Variants in CTIF observed in about 807,000 individuals in gnomAD.
The protein encoded by CTIF is CBP80/20-dependent translation initiation factor.
CTIF carries 21 observed loss-of-function variants against 66.0 expected under a neutral mutation model. The observed-to-expected ratio is 0.32, with a 90% CI of 0.23 to 0.46. The LOEUF (loss-of-function observed/expected upper bound fraction) is 0.46. CTIF is among the 20% of genes least tolerant of loss of function. CTIF has a pLI of 1.00. For synonymous variants in CTIF, 345 were observed against 326.4 expected (o/e 1.06, Z -0.62); for missense variants, 739 against 812.7 (o/e 0.91, Z 1.10).
intron 3 of CTIF, among the ~76,000 whole-genome samples, chr18:48,650,038 G>C (rs1051027468): frequency 6.6e-6 from 1 of 152,238 alleles, no homozygotes; most frequent in African/African-American, 2.4e-5. Flanking sequence ...GAGCAGAAAA[G>C]CTGAAAATTC....
intron 1 of CTIF, among the ~76,000 whole-genome samples, chr18:48,546,693 TCTC>T (rs1452610224): frequency 3.3e-5 from 5 of 151,646 alleles, no homozygotes; most frequent in Non-Finnish European, 5.9e-5. Context: ...CGTGACTGCA[TCTC>T]CTCCGAGACT....
intron 1 of CTIF, among the ~76,000 whole-genome samples, chr18:48,598,894 G>A (rs2090036994): frequency 6.6e-6 from 1 of 152,126 alleles, no homozygotes; most frequent in Non-Finnish European, 1.5e-5. Flanking sequence ...CTGGAGAAAG[G>A]GCAGGGGACA....
In CTIF at chr18:48,848,102, C is replaced by T. The variant is rs569455712; in HGVS notation, c.1528-9486C>T. 5.9e-5 allele frequency among the ~76,000 whole-genome samples: 9 copies of T among 152,326 alleles called. No individual in the cohort carries two copies. The South Asian group carries it at 1.7e-3, about 28-fold the overall frequency. On this transcript the variant is annotated intron_variant, in intron 10 of 11. Coordinates refer to ENST00000256413, the MANE Select transcript of CTIF (RefSeq NM_014772.3). ...GCAGGTGTGGTTCTTCTGACTCTGC[C>T]TCATTCTTCCCCCTGTCCCCTTTGT...
At chr18:48,645,102 A>G (rs1043196451) in intron 3 of CTIF, among the ~76,000 whole-genome samples, 1 of 152,134 alleles carries the variant, frequency 6.6e-6, no homozygotes, top group Non-Finnish European at 1.5e-5. Flanking sequence ...GCTAAATACA[A>G]CTAAAAACCC....
chr18:48,627,781 TGGGGAGGAAGGA>T (rs2090629630), intron 2 of CTIF, among the ~76,000 whole-genome samples: 1 of 13,968 alleles, frequency 7.2e-5, no homozygotes, highest in South Asian at 2.7e-3. Flanking sequence ...GGGGGGAGGG[TGGGGAGGAAGGA>T]AGGGAGGGAG....
chr18:48,554,668 C>T (rs2088973083), intron 1 of CTIF, among the ~76,000 whole-genome samples: 1 of 152,254 alleles, frequency 6.6e-6, no homozygotes, highest in East Asian at 1.9e-4. Context: ...AAAGAATCTT[C>T]CAGGTTTCCT....
At chr18:48,775,545 C>T (rs1910591961) in intron 9 of CTIF, among the ~76,000 whole-genome samples, 1 of 152,246 alleles carries the variant, frequency 6.6e-6, no homozygotes, top group East Asian at 1.9e-4. Flanking sequence ...CCAAGGGGCC[C>T]TGGGACTGGC....
At chr18:48,647,140 G>A (rs917459971) in intron 3 of CTIF, among the ~76,000 whole-genome samples, 1 of 152,228 alleles carries the variant, frequency 6.6e-6, no homozygotes, top group African/African-American at 2.4e-5. Flanking sequence ...GCCTGATGAT[G>A]CAGCAGCCTG....
At chr18:48,685,403 G>C (rs1568134215) in intron 6 of CTIF, among the ~76,000 whole-genome samples, 1 of 150,684 alleles carries the variant, frequency 6.6e-6, no homozygotes, top group African/African-American at 2.4e-5. Flanking sequence ...TTCTATTTTT[G>C]GTAGAGACGG....
At chr18:48,696,841 G>T (rs1037736852) in intron 6 of CTIF, among the ~76,000 whole-genome samples, 1 of 152,238 alleles carries the variant, frequency 6.6e-6, no homozygotes, top group Non-Finnish European at 1.5e-5. Flanking sequence ...CAGGGGGCCT[G>T]TGGAGCTAAG....
intron 5 of CTIF, 183 bp from the exon 6 acceptor site, chr18:48,670,485 AC>A (rs3830253): frequency 0.85 from 442,015 of 517,550 alleles, 186,307 homozygotes; most frequent in East Asian, 0.91. Flanking sequence ...TTACGGGAGG[AC>A]CCCCCCCCCA....
At chr18:48,618,127 A>G (rs1454293180) in intron 1 of CTIF, among the ~76,000 whole-genome samples, 1 of 152,184 alleles carries the variant, frequency 6.6e-6, no homozygotes, top group Non-Finnish European at 1.5e-5. Flanking sequence ...CCAGCACACC[A>G]TTCCTTGCCC....
chr18:48,593,748 G>GT (rs35415961), intron 1 of CTIF, among the ~76,000 whole-genome samples: 50,427 of 145,604 alleles, frequency 0.35, 8,861 homozygotes, highest in African/African-American at 0.44. Flanking sequence ...TTTTTTGTTT[G>GT]TTTTTTTTTT....
At position 48,555,235 on chromosome 18, in the gene CTIF, TCTTCATGGGCAG is replaced by T. The variant is rs2088989812; in HGVS notation, c.-29+15928_-29+15939del. 3.3e-5 allele frequency among the ~76,000 whole-genome samples: 5 copies of T among 152,328 alleles called. No individual in the cohort carries two copies. The South Asian group carries it at 1.0e-3, about 32-fold the overall frequency. On this transcript the variant is annotated intron_variant, in intron 1 of 11. Coordinates refer to ENST00000256413, the MANE Select transcript of CTIF (RefSeq NM_014772.3). Reference sequence around the variant, plus strand: ...ATGTAGCCCATGACTGTGTAATTTTTCTTCATGGGCAGCTTCTAGATATGGGGATTCCCATTC... The same window carrying T: ...ATGTAGCCCATGACTGTGTAATTTTTCTTCTAGATATGGGGATTCCCATTC...
intron 7 of CTIF, among the ~76,000 whole-genome samples, chr18:48,737,027 C>T (rs2092509392): frequency 6.6e-6 from 1 of 152,142 alleles, no homozygotes; most frequent in African/African-American, 2.4e-5. Flanking sequence ...CCTGATTCTC[C>T]ACATGGCTCC....
chr18:48,833,448 CT>C (rs1194229217), intron 10 of CTIF, among the ~76,000 whole-genome samples: 2 of 152,196 alleles, frequency 1.3e-5, no homozygotes, highest in Non-Finnish European at 1.5e-5. Flanking sequence ...AAGATGCCCT[CT>C]TTCCCATTTC....
At chr18:48,623,952 A>G (rs1247048584) in intron 2 of CTIF, among the ~76,000 whole-genome samples, 2 of 152,178 alleles carry the variant, frequency 1.3e-5, no homozygotes, top group East Asian at 1.9e-4. Context: ...AGATAGATAG[A>G]TCAGTTTTCC....
At chr18:48,711,738 C>T in intron 7 of CTIF, 43 bp downstream of exon 7, 3 of 1,528,784 alleles carry the variant, frequency 2.0e-6, no homozygotes, top group Non-Finnish European at 1.8e-6. Flanking sequence ...TCCTTTCCTG[C>T]TTCTGCCATC....
chr18:48,769,899 C>A (rs1909941336), intron 9 of CTIF, among the ~76,000 whole-genome samples: 3 of 152,196 alleles, frequency 2.0e-5, no homozygotes. Context: ...TCTGTTTGTG[C>A]AAATCTTAAG....
Sources: gnomAD v4.1 joint callset for allele counts (sites outside exome capture counted in the v4.1 genomes callset) on GRCh38, gnomAD v4.1.1 for gene constraint, MANE v1.5 for transcripts, NCBI Gene and HGNC (gene_info 2026-07-23, HGNC 2026-07-21) for gene names.